VPS13B: variants seen among roughly 807,000 people sequenced by gnomAD.
VPS13B encodes intermembrane lipid transfer protein VPS13B.
A neutral mutation model predicts 426.4 loss-of-function variants in VPS13B; 285 were observed. The observed-to-expected ratio is 0.67, with a 90% confidence interval of 0.61 to 0.74. The LOEUF (loss-of-function observed/expected upper bound fraction) is 0.74, where lower values mean the gene tolerates loss of function less well. Among genes scored for constraint, VPS13B ranks in the 30% least tolerant of loss-of-function variants. The probability of loss-of-function intolerance (pLI) is 0.00; values close to 1 mark genes in which losing one functional copy is unlikely to be tolerated. For synonymous variants in VPS13B, 1,676 were observed against 1,676.4 expected (o/e 1.00, Z 0.01); for missense variants, 4,537 against 4,782.6 (o/e 0.95, Z 1.51).
intron 51 of VPS13B, among the ~76,000 whole-genome samples, chr8:99,830,441 C>T (rs915253959): frequency 5.3e-5 from 8 of 152,166 alleles, no homozygotes; most frequent in African/African-American, 1.9e-4. Context: ...ATGGTGGATG[C>T]CCCTCCTCCC....
intron 3 of VPS13B, among the ~76,000 whole-genome samples, chr8:99,054,607 C>T (rs192652638): frequency 5.2e-4 from 79 of 152,186 alleles, no homozygotes; most frequent in Admixed American, 1.0e-3. Flanking sequence ...CTAGTGCTTT[C>T]GGTGTTATAT....
intron 35 of VPS13B, among the ~76,000 whole-genome samples, chr8:99,689,946 C>A (rs777113394): frequency 2.0e-5 from 3 of 152,158 alleles, no homozygotes; most frequent in Admixed American, 6.5e-5. Context: ...AAGAAAAAGA[C>A]AGTTTCAGGA....
intron 17 of VPS13B, among the ~76,000 whole-genome samples, chr8:99,242,089 G>A (rs141187224): frequency 2.0e-5 from 3 of 151,798 alleles, no homozygotes; most frequent in East Asian, 3.9e-4. Context: ...CACGCTATTC[G>A]CCTGCCTCAG....
At chr8:99,497,421 A>C (rs1820986064) in intron 25 of VPS13B, among the ~76,000 whole-genome samples, 1 of 147,260 alleles carries the variant, frequency 6.8e-6, no homozygotes, top group South Asian at 2.1e-4. Context: ...AATTATTACA[A>C]ATATTTACTC....
intron 60 of VPS13B, 194 bp downstream of exon 60, chr8:99,871,081 G>A: frequency 1.5e-6 from 1 of 656,390 alleles, no homozygotes. Context: ...GGGGCTGGCT[G>A]CACAACTCCT....
At chr8:99,764,077 C>T (rs1332160418) in intron 39 of VPS13B, among the ~76,000 whole-genome samples, 1 of 152,138 alleles carries the variant, frequency 6.6e-6, no homozygotes. Flanking sequence ...ATTTTGTCCT[C>T]AAAACTGTGT....
rs1478738332 is a variant in VPS13B at position 99,427,397 on chromosome 8, G to A, written c.3083-4140G>A. ...GCTTAGGATTGACTTGGCAATGCGG[G>A]CTCTTTTTTGGTTCCATATGAACTT... On this transcript the variant is annotated intron_variant, in intron 21 of 61. Coordinates refer to ENST00000357162, the MANE Select transcript of VPS13B (RefSeq NM_152564.5). Among the ~76,000 whole-genome samples the A allele has an allele frequency of 6.6e-3, 970 of 146,296 alleles. 15 individuals carry two copies. The highest frequency in any genetic ancestry group is 0.024 in the African/African-American group (923 of 39,244).
At position 99,170,047 on chromosome 8, in the gene VPS13B, T is replaced by C; in HGVS notation, c.2217T>C (p.Gly739=). ...CYVHCYLKIF[G]FQAGLTSLDC... ...TTTTCTTTTTGTTTTAGATATTTGG[T>C]TTCCAGGCAGGACTGACGTCTTTGG... The change falls in exon 16 of 62, where the codon GGT becomes GGC. Residue 739 remains glycine, a synonymous_variant. Transcript: ENST00000357162. The C allele has an allele frequency of 6.2e-7, 1 of 1,612,764 alleles. No individual in the cohort carries two copies. Among genetic ancestry groups the C allele is most frequent in the African/African-American group, 1.3e-5 (1 of 75,012 alleles).
Position 99,770,896 on chromosome 8 carries a change from T to C in VPS13B, c.7247+3926T>C, listed in dbSNP as rs574749136. On this transcript the variant is annotated intron_variant, in intron 40 of 61. Coordinates refer to ENST00000357162, the MANE Select transcript of VPS13B (RefSeq NM_152564.5). Reference sequence around the variant, plus strand: ...GCAAGTGCACACTCTTATTTGCAATTGGCAGCTTCTTACCAGGTGACTAAC... The same window carrying C: ...GCAAGTGCACACTCTTATTTGCAATCGGCAGCTTCTTACCAGGTGACTAAC... Among the ~76,000 whole-genome samples, 25 of 152,254 alleles carry C rather than the reference T, an allele frequency of 1.6e-4. 1 individual carries two copies. The highest frequency in any genetic ancestry group is 5.8e-4 in the African/African-American group (24 of 41,554).
Position 99,859,307 on chromosome 8 carries a change from G to A in VPS13B, c.10871G>A (p.Trp3624Ter), listed in dbSNP as rs386834057. Residue 3624 changes from tryptophan to a stop codon, truncating the protein, a stop_gained, in exon 57 of 62, where the codon TGG becomes TAG. Transcript: ENST00000357162. LOFTEE classifies it high-confidence loss of function. ...CCTTCCCTCTTGTGCGTTGCAGGCTGGGTAGTTGGGTCTCTGGATATTCTT... is the reference window on the plus strand; with the variant it reads ...CCTTCCCTCTTGTGCGTTGCAGGCTAGGTAGTTGGGTCTCTGGATATTCTT... ...YAAGALFRAGWVVGSLDILGS... is the reference protein window; with the variant it reads ...YAAGALFRAG The A allele has an allele frequency of 1.2e-6, 2 of 1,613,598 alleles. No homozygotes were observed. The highest frequency in any genetic ancestry group is 1.7e-6 in the Non-Finnish European group (2 of 1,179,924).
intron 16 of VPS13B, among the ~76,000 whole-genome samples, chr8:99,176,348 G>A (rs1379456096): frequency 5.3e-5 from 8 of 152,020 alleles, no homozygotes; most frequent in Non-Finnish European, 1.0e-4. Context: ...TGTTGGCTAG[G>A]CTGGTCTTGA....
chr8:99,555,117 A>T (rs1036931343), intron 30 of VPS13B, among the ~76,000 whole-genome samples: 1 of 151,980 alleles, frequency 6.6e-6, no homozygotes, highest in African/African-American at 2.4e-5. Flanking sequence ...CCACTTGCTT[A>T]TTCCACTCAG....
intron 33 of VPS13B, among the ~76,000 whole-genome samples, chr8:99,580,984 AACACACACACACACACACAC>A (rs34074519): frequency 3.2e-5 from 4 of 126,618 alleles, no homozygotes; most frequent in Non-Finnish European, 4.9e-5. Context: ...ATCTCTACAA[AACACACACACACACACACAC>A]ACACACACAC....
intron 2 of VPS13B, among the ~76,000 whole-genome samples, chr8:99,025,540 T>G (rs1192363587): frequency 2.0e-5 from 3 of 152,206 alleles, no homozygotes; most frequent in African/African-American, 7.2e-5. Flanking sequence ...TGTTGTTTCC[T>G]TGTTTGGTTT....
rs546471386 is a variant in VPS13B, at chr8:99,839,440, C to T, written c.9942+3702C>T. Among the ~76,000 whole-genome samples, 42 of 152,284 alleles carry T rather than the reference C, an allele frequency of 2.8e-4. No homozygotes were observed. In the South Asian group the frequency reaches 8.3e-3, roughly 30 times the overall value. On this transcript the variant is annotated intron_variant, in intron 54 of 61. Coordinates refer to ENST00000357162, the MANE Select transcript of VPS13B (RefSeq NM_152564.5). ...AAGGCACAATTCCTGCCTTCAAAGA[C>T]TTGAATAACCAATAAATGCAGTAAA...
intron 29 of VPS13B, among the ~76,000 whole-genome samples, chr8:99,515,361 A>AGCTGCTGCTGCTGCTGCT (rs576737553): frequency 2.7e-5 from 4 of 150,052 alleles, no homozygotes; most frequent in African/African-American, 9.8e-5. Context: ...TTATTTTTAA[A>AGCTGCTGCTGCTGCTGCT]GCTGCTGCTG....
intron 2 of VPS13B, among the ~76,000 whole-genome samples, chr8:99,017,596 A>G (rs1414851218): frequency 2.0e-5 from 3 of 151,608 alleles, no homozygotes; most frequent in Non-Finnish European, 4.4e-5. Context: ...CCTGTGGAGC[A>G]ATTCTCCTGC....
chr8:99,451,808 G>C (rs1818208719), intron 23 of VPS13B, among the ~76,000 whole-genome samples: 1 of 152,192 alleles, frequency 6.6e-6, no homozygotes, highest in Non-Finnish European at 1.5e-5. Context: ...AGTAGAGTTT[G>C]CTGAAGATGT....
At chr8:99,429,126 G>T (rs1588368899) in intron 21 of VPS13B, among the ~76,000 whole-genome samples, 1 of 152,128 alleles carries the variant, frequency 6.6e-6, no homozygotes, top group Admixed American at 6.5e-5. Context: ...ACCGGGGCCT[G>T]TTGTGGGGTG....
Sources: gnomAD v4.1 joint callset for allele counts (sites outside exome capture counted in the v4.1 genomes callset) on GRCh38, gnomAD v4.1.1 for gene constraint, MANE v1.5 for transcripts, NCBI Gene and HGNC (gene_info 2026-07-23, HGNC 2026-07-21) for gene names.